The following ADCY5 variants were observed in gnomAD, a reference collection of about 807,000 sequenced individuals.
ADCY5 encodes adenylate cyclase type 5.
ADCY5 carries 30 observed loss-of-function variants against 119.7 expected under a neutral mutation model. The ratio of observed to expected loss-of-function variants is 0.25; its 90% CI spans 0.19 to 0.34. The LOEUF is 0.34. ADCY5 is among the 10% of genes least tolerant of loss of function. ADCY5 has a pLI of 1.00. For synonymous variants in ADCY5, 753 were observed against 762.2 expected (o/e 0.99, Z 0.20); for missense variants, 1,324 against 1,775.2 (o/e 0.75, Z 4.57).
intron 3 of ADCY5, among the ~76,000 whole-genome samples, chr3:123,337,771 T>C (rs184343383): frequency 2.6e-4 from 40 of 152,342 alleles, no homozygotes; most frequent in Middle Eastern, 3.4e-3. Context: ...CATTCACAGG[T>C]ACCAGGGGTT....
At chr3:123,398,368 C>T (rs1483407220) in intron 1 of ADCY5, among the ~76,000 whole-genome samples, 1 of 152,136 alleles carries the variant, frequency 6.6e-6, no homozygotes, top group African/African-American at 2.4e-5. Flanking sequence ...AGGGAGTCTG[C>T]CCTGGGGTCT....
At chr3:123,361,835 C>A (rs781536161) in intron 1 of ADCY5, among the ~76,000 whole-genome samples, 56 of 152,106 alleles carry the variant, frequency 3.7e-4, no homozygotes, top group Non-Finnish European at 6.5e-4. Context: ...TAATTTTATA[C>A]AACATTTTAA....
In ADCY5 at chr3:123,377,854, CG is replaced by C. The variant is rs1457035131; in HGVS notation, c.1135-25274del. Among the ~76,000 whole-genome samples the C allele has an allele frequency of 6.7e-5, 9 of 133,384 alleles. No homozygotes were observed. The South Asian group carries it at 7.8e-4, about 12-fold the overall frequency. The allele number at this position is 133,384 out of a possible 152,430, so 87.5% of individuals were successfully genotyped here. ...CTGAGACAGAAGAATCACTTGAACC[CG>C]GGAGGCGGAGGTTGCAGTGAGCCGA... On this transcript the variant is annotated intron_variant, in intron 1 of 20. Coordinates refer to ENST00000462833, the MANE Select transcript of ADCY5 (RefSeq NM_183357.3).
At chr3:123,360,175 A>G (rs1472453159) in intron 1 of ADCY5, among the ~76,000 whole-genome samples, 1 of 152,016 alleles carries the variant, frequency 6.6e-6, no homozygotes, top group East Asian at 1.9e-4. Context: ...TGTTTCTGGT[A>G]ATCAAAGCTG....
chr3:123,342,031 C>T (rs1942310276), intron 3 of ADCY5, among the ~76,000 whole-genome samples: 1 of 152,134 alleles, frequency 6.6e-6, no homozygotes, highest in Non-Finnish European at 1.5e-5. Flanking sequence ...CCCCAGCAAT[C>T]CTGTTGCCTC....
At chr3:123,426,315 T>TTG (rs869270662) in intron 1 of ADCY5, among the ~76,000 whole-genome samples, 8 of 664 alleles carry the variant, frequency 0.012, no homozygotes, top group Non-Finnish European at 0.07. Context: ...TTTTTGTTTG[T>TTG]TTTTGTTTGT....
intron 1 of ADCY5, among the ~76,000 whole-genome samples, chr3:123,429,859 C>T (rs1945488431): frequency 6.6e-6 from 1 of 152,158 alleles, no homozygotes; most frequent in South Asian, 2.1e-4. Flanking sequence ...CACCCCATAC[C>T]CACGTCCAAC....
Position 123,291,097 on chromosome 3 carries a change from AG to A in ADCY5, c.3327+15del, listed in dbSNP as rs1222306469. The stretch of plus-strand genomic sequence containing the variant: ...CCCTCCCAGGAACACAGCCTGACCC[AG>A]GCCCCGCTGTGCACCTCATCAAAGT... On this transcript the variant is annotated intron_variant, in intron 18 of 20. Coordinates refer to ENST00000462833, the MANE Select transcript of ADCY5 (RefSeq NM_183357.3). 5.0e-6 allele frequency: 8 copies of A among 1,601,748 alleles called. No homozygotes were observed. Among genetic ancestry groups the A allele is most frequent in the Non-Finnish European group, 6.8e-6 (8 of 1,172,550 alleles).
chr3:123,317,926 C>T, intron 11 of ADCY5, 94 bp downstream of exon 11: 1 of 1,166,284 alleles, frequency 8.6e-7, no homozygotes, highest in Non-Finnish European at 1.3e-6. Flanking sequence ...GCAGGCCAGA[C>T]TCCCTGCTCT....
At chr3:123,431,715 T>C (rs1029806015) in intron 1 of ADCY5, among the ~76,000 whole-genome samples, 8 of 152,362 alleles carry the variant, frequency 5.3e-5, no homozygotes, top group Non-Finnish European at 1.0e-4. Context: ...AGCCACAGCC[T>C]TGCCTGACAA....
intron 8 of ADCY5, among the ~76,000 whole-genome samples, chr3:123,321,408 G>A (rs535697462): frequency 6.0e-4 from 91 of 152,204 alleles, no homozygotes; most frequent in Non-Finnish European, 1.1e-3. Flanking sequence ...TCAGAGTTGA[G>A]GGTGGGAAGG....
At chr3:123,393,201 A>T (rs1470569575) in intron 1 of ADCY5, among the ~76,000 whole-genome samples, 1 of 152,140 alleles carries the variant, frequency 6.6e-6, no homozygotes, top group African/African-American at 2.4e-5. Context: ...CTCACTCAGA[A>T]CTCTGCAGCC....
intron 1 of ADCY5, among the ~76,000 whole-genome samples, chr3:123,430,377 G>A (rs979428183): frequency 1.8e-4 from 28 of 151,994 alleles, no homozygotes; most frequent in African/African-American, 5.8e-4. Flanking sequence ...CCTGGCTCCC[G>A]GACACCCCAG....
At chr3:123,318,958 A>G (rs894972075) in intron 10 of ADCY5, among the ~76,000 whole-genome samples, 1 of 152,200 alleles carries the variant, frequency 6.6e-6, no homozygotes, top group Non-Finnish European at 1.5e-5. Context: ...TGAGGTCCCA[A>G]TGTGACAAAG....
chr3:123,379,243 A>T (rs2107552629), intron 1 of ADCY5, among the ~76,000 whole-genome samples: 1 of 151,926 alleles, frequency 6.6e-6, no homozygotes, highest in South Asian at 2.1e-4. Flanking sequence ...AACACAGGCC[A>T]CTCGGAGGGA....
At chr3:123,394,157 A>G (rs990510365) in intron 1 of ADCY5, among the ~76,000 whole-genome samples, 1 of 152,200 alleles carries the variant, frequency 6.6e-6, no homozygotes, top group Admixed American at 6.5e-5. Flanking sequence ...GACATTTTAA[A>G]TTTGTTTTTC....
At chr3:123,332,719 C>A (rs771368078) in intron 3 of ADCY5, 44 bp from the exon 4 acceptor site, 3 of 1,281,430 alleles carry the variant, frequency 2.3e-6, no homozygotes, top group African/African-American at 2.9e-5. Flanking sequence ...TAGGCTGAAT[C>A]TTTGTGTCTC....
intron 2 of ADCY5, 127 bp from the exon 3 acceptor site, chr3:123,348,030 GTTAAC>G: frequency 1.6e-6 from 1 of 632,964 alleles, no homozygotes; most frequent in Non-Finnish European, 2.4e-6. Context: ...GGACTCCTGG[GTTAAC>G]AGTGTGTGTG....
intron 1 of ADCY5, among the ~76,000 whole-genome samples, chr3:123,421,637 G>A (rs574414034): frequency 6.6e-6 from 1 of 152,154 alleles, no homozygotes; most frequent in African/African-American, 2.4e-5. Flanking sequence ...GGTGGGAGGA[G>A]TTCTGAGTGG....
Sources: allele counts gnomAD v4.1 joint callset (sites outside exome capture counted in the v4.1 genomes callset), GRCh38; gene constraint gnomAD v4.1.1; transcripts MANE v1.5; gene names NCBI Gene and HGNC (gene_info 2026-07-23, HGNC 2026-07-21).